Variants in WNT5B observed in about 807,000 individuals in gnomAD.
WNT5B encodes Wnt family member 5B, also known as protein Wnt-5b.
Under a neutral mutation model 36.5 loss-of-function variants are expected in WNT5B, and 18 were observed. That is an observed-to-expected ratio of 0.49 (90% CI 0.34 to 0.73). The LOEUF (loss-of-function observed/expected upper bound fraction) is 0.73. Among genes scored for constraint, WNT5B ranks in the 30% least tolerant of loss-of-function variants. The pLI is 0.01. For missense variants in WNT5B, 424 were observed against 508.4 expected (o/e 0.83, Z 1.60); for synonymous variants, 213 against 212.3 (o/e 1.00, Z -0.03).
chr12:1,639,793 G>GCAAGGAC lies in WNT5B; in HGVS notation c.438_439insCAAGGAC (p.Ala147GlnfsTer67). On this transcript the variant is annotated frameshift_variant, in exon 4 of 5. Coordinates refer to ENST00000397196, the MANE Select transcript of WNT5B (RefSeq NM_032642.3). LOFTEE classifies it high-confidence loss of function. Reference sequence around the variant, plus strand: ...TCTCCACCTGCGGCTGCAGCCGGACGGCGCGGCCCAAGGACCTGCCCCGGG... The same window carrying GCAAGGAC: ...TCTCCACCTGCGGCTGCAGCCGGACGCAAGGACGCGCGGCCCAAGGACCTGCCCCGGG... 4 of 1,611,888 alleles carry GCAAGGAC rather than the reference G, an allele frequency of 2.5e-6. No individual in the cohort carries two copies. The highest frequency in any genetic ancestry group is 3.4e-6 in the Non-Finnish European group (4 of 1,179,094).
chr12:1,623,197 T>TTG (rs1488329980), intron 1 of WNT5B, among the ~76,000 whole-genome samples: 5 of 113,448 alleles, frequency 4.4e-5, no homozygotes, highest in African/African-American at 7.4e-5. Flanking sequence ...GTTTTTTTTT[T>TTG]TTTTTTTTTT....
chr12:1,646,053 C>CG lies in WNT5B; in HGVS notation c.884dup (p.Ser296LeufsTer20). On this transcript the variant is annotated frameshift_variant, in exon 5 of 5. Transcript: ENST00000397196. LOFTEE classifies it high-confidence loss of function. The stretch of plus-strand genomic sequence containing the variant: ...GACTACTGCCTGCGCAACGAGAGCA[C>CG]GGGCTCCCTGGGCACGCAGGGCCGC... The CG allele has an allele frequency of 1.2e-6, 2 of 1,613,480 alleles. No individual in the cohort carries two copies. The highest frequency in any genetic ancestry group is 1.7e-6 in the Non-Finnish European group (2 of 1,180,024).
intron 3 of WNT5B, among the ~76,000 whole-genome samples, chr12:1,638,619 A>C (rs1592532848): frequency 6.6e-6 from 1 of 152,210 alleles, no homozygotes; most frequent in Non-Finnish European, 1.5e-5. Context: ...ATGAATGTTG[A>C]GGTGGTTCAC....
chr12:1,634,042 A>G (rs1271265398), intron 3 of WNT5B, among the ~76,000 whole-genome samples: 2 of 152,192 alleles, frequency 1.3e-5, no homozygotes, highest in Non-Finnish European at 2.9e-5. Flanking sequence ...CTCTGTCTCT[A>G]TAAAAAAAAT....
At chr12:1,631,826 A>G (rs2094551444) in intron 2 of WNT5B, among the ~76,000 whole-genome samples, 2 of 152,126 alleles carry the variant, frequency 1.3e-5, no homozygotes, top group Non-Finnish European at 2.9e-5. Context: ...TGAAGGCCAG[A>G]TGAGGGGTTC....
chr12:1,631,459 GC>G, intron 2 of WNT5B, 25 bp downstream of exon 2: 5 of 1,613,808 alleles, frequency 3.1e-6, no homozygotes, highest in Non-Finnish European at 4.2e-6. Flanking sequence ...CTGAGGTCCT[GC>G]CTGCACAGCC....
chr12:1,628,665 C>T (rs1437411786), upstream of WNT5B, among the ~76,000 whole-genome samples: 2 of 152,200 alleles, frequency 1.3e-5, no homozygotes, highest in Admixed American at 6.5e-5. Flanking sequence ...AACACAAAAC[C>T]GTCAGCCCCC....
intron 1 of WNT5B, among the ~76,000 whole-genome samples, chr12:1,620,151 G>A (rs767115024): frequency 2.0e-5 from 3 of 152,100 alleles, no homozygotes; most frequent in Non-Finnish European, 4.4e-5. Flanking sequence ...TCCATCACCA[G>A]GTTGGAAAAT....
In WNT5B at chr12:1,645,984, C is replaced by A; in HGVS notation, c.812C>A (p.Thr271Asn). Reference protein sequence around the residue: ...GRLELVNSRFTQPTPEDLVYV... With the variant: ...GRLELVNSRFNQPTPEDLVYV... Reference sequence around the variant, plus strand: ...CTGGAGCTGGTCAACAGCCGCTTCACCCAGCCCACCCCGGAGGACCTGGTC... The same window carrying A: ...CTGGAGCTGGTCAACAGCCGCTTCAACCAGCCCACCCCGGAGGACCTGGTC... The change falls in exon 5 of 5, where the codon ACC becomes AAC. Residue 271 changes from threonine to asparagine, a missense_variant. Thr to Asn is a moderately conservative substitution (Grantham distance 65). Coordinates refer to ENST00000397196, the MANE Select transcript of WNT5B (RefSeq NM_032642.3). 1 of 1,611,470 alleles carries A rather than the reference C, an allele frequency of 6.2e-7. No homozygotes were observed. Among genetic ancestry groups the A allele is most frequent in the South Asian group, 1.1e-5 (1 of 91,068 alleles).
intron 3 of WNT5B, among the ~76,000 whole-genome samples, chr12:1,636,458 A>C: frequency 7.5e-6 from 1 of 133,664 alleles, no homozygotes; most frequent in Admixed American, 8.1e-5. Context: ...GGCTCCTTTT[A>C]CTTAGCACAA....
chr12:1,645,727 C>T (rs909909824), intron 4 of WNT5B, 67 bp from the exon 5 acceptor site: 3 of 1,482,310 alleles, frequency 2.0e-6, no homozygotes, highest in Non-Finnish European at 2.7e-6. Flanking sequence ...CTGTGGCTAC[C>T]CCAGCCACCC....
rs189663562 is a variant in WNT5B, at chr12:1,633,870, C to G, written c.328+965C>G. Among the ~76,000 whole-genome samples the G allele has an allele frequency of 6.7e-6, 1 of 149,324 alleles. No homozygotes were observed. Among genetic ancestry groups the G allele is most frequent in the African/African-American group, 2.5e-5 (1 of 40,552 alleles). ...GATACTTGGAAGGCTCCTTCCCCCT[C>G]CCACTTATTCCAGACCTCTTTCCCT... On this transcript the variant is annotated intron_variant, in intron 3 of 4. Transcript: ENST00000397196. This position sits in a 1 kb window ranked among gnomAD's most constrained non-coding sequence, Gnocchi z 4.8.
At position 1,644,867 on chromosome 12, in the gene WNT5B, G is replaced by C. The variant is rs1311234936; in HGVS notation, c.622-927G>C. ...TGGCGGTTCTGTGACTTCTGGGGTA[G>C]ACTTGTTTTAGATGAACCGCTCCTG... On this transcript the variant is annotated intron_variant, in intron 4 of 4. Transcript: ENST00000397196. The surrounding 1 kb of genome is among the most constrained non-coding windows in gnomAD (Gnocchi z 5.1). 2.0e-5 allele frequency: 3 copies of C among 152,206 alleles called. No individual in the cohort carries two copies. Among genetic ancestry groups the C allele is most frequent in the Non-Finnish European group, 1.5e-5 (1 of 68,048 alleles). The allele number at this position is 152,206 out of a possible 1,614,324, so 9.4% of individuals were successfully genotyped here.
At chr12:1,636,093 CTG>C (rs1434233712) in intron 3 of WNT5B, among the ~76,000 whole-genome samples, 1 of 152,190 alleles carries the variant, frequency 6.6e-6, no homozygotes, top group Non-Finnish European at 1.5e-5. Context: ...AGGATTGAAT[CTG>C]TTTCCTGCTA....
chr12:1,617,973 C>T (rs2094529157), intron 1 of WNT5B, among the ~76,000 whole-genome samples: 2 of 152,066 alleles, frequency 1.3e-5, no homozygotes, highest in Admixed American at 6.5e-5. Context: ...ACCCCCATCT[C>T]CACAAAAGAA....
intron 1 of WNT5B, 70 bp downstream of exon 1, chr12:1,629,441 A>T (rs1163959653): frequency 6.6e-6 from 1 of 152,564 alleles, no homozygotes; most frequent in African/African-American, 2.4e-5. Context: ...TGGTGGTGGA[A>T]ATGTGTGAGG....
At chr12:1,643,509 G>A (rs1211904654) in intron 4 of WNT5B, among the ~76,000 whole-genome samples, 3 of 152,022 alleles carry the variant, frequency 2.0e-5, no homozygotes, top group African/African-American at 7.2e-5. Context: ...GGGATTACAA[G>A]CATGTGCCAC....
In WNT5B at chr12:1,622,171, C is replaced by T. The variant is rs899608517; in HGVS notation, c.-58+5028C>T. On this transcript the variant is annotated intron_variant, in intron 1 of 4. Transcript: ENST00000310594. ...TGTCGCCCAGGCTGGAGTGCAGTGG[C>T]GTGATCTCGGCTCACTGCAAGCTCC... Among the ~76,000 whole-genome samples, 12 of 141,226 alleles carry T rather than the reference C, an allele frequency of 8.5e-5. No individual in the cohort carries two copies. The Middle Eastern group carries it at 0.017, about 196-fold the overall frequency. 92.6% of individuals were successfully genotyped at this position (141,226 alleles called of 152,430 possible).
In WNT5B at chr12:1,639,767, C is replaced by T. The variant is rs2094570802; in HGVS notation, c.412C>T (p.Leu138Phe). ...AISRACREGE[L>F]STCGCSRTAR... ...CAGCCGGGCCTGCCGCGAGGGCGAG[C>T]TCTCCACCTGCGGCTGCAGCCGGAC... Residue 138 changes from leucine (L) to phenylalanine (F), a missense_variant, in exon 4 of 5, where the codon CTC becomes TTC. By Grantham distance (22) the Leu-to-Phe change is conservative. Transcript: ENST00000397196. The T allele has an allele frequency of 8.1e-6, 13 of 1,608,834 alleles. No individual in the cohort carries two copies. Among genetic ancestry groups the T allele is most frequent in the Non-Finnish European group, 1.1e-5 (13 of 1,177,592 alleles).
Sources: gnomAD v4.1 joint callset for allele counts (sites outside exome capture counted in the v4.1 genomes callset) on GRCh38, gnomAD v4.1.1 for gene constraint, Gnocchi (gnomAD v3.1) non-coding constraint, MANE v1.5 for transcripts, NCBI Gene and HGNC (gene_info 2026-07-23, HGNC 2026-07-21) for gene names.